Variants in ARHGEF28 observed in about 807,000 individuals in gnomAD.
The protein encoded by ARHGEF28 is Rho guanine nucleotide exchange factor 28, also known as 190 kDa guanine nucleotide exchange factor.
Under a neutral mutation model 206.6 loss-of-function variants are expected in ARHGEF28, and 152 were observed. The observed-to-expected ratio is 0.74, with a 90% CI of 0.64 to 0.84. The LOEUF is 0.84. ARHGEF28 is among the 40% of genes least tolerant of loss of function. The pLI is 0.00. For missense variants in ARHGEF28, 2,028 were observed against 2,073.2 expected (o/e 0.98, Z 0.42); for synonymous variants, 763 against 776.4 (o/e 0.98, Z 0.29).
intron 2 of ARHGEF28, among the ~76,000 whole-genome samples, chr5:73,725,643 G>T (rs1259425481): frequency 2.0e-5 from 3 of 152,158 alleles, no homozygotes; most frequent in African/African-American, 7.2e-5. Context: ...TGCATTAGTG[G>T]TTCAAGTGAG....
intron 9 of ARHGEF28, among the ~76,000 whole-genome samples, chr5:73,819,774 C>G (rs2112535504): frequency 6.6e-6 from 1 of 152,252 alleles, no homozygotes; most frequent in East Asian, 1.9e-4. Context: ...ACATCTCCCT[C>G]CCTCCCTCTT....
intron 12 of ARHGEF28, among the ~76,000 whole-genome samples, chr5:73,846,685 C>T (rs1351942908): frequency 5.3e-5 from 8 of 152,150 alleles, no homozygotes; most frequent in Non-Finnish European, 1.2e-4. Flanking sequence ...GGCTGATTTA[C>T]ATTTTCATTA....
intron 9 of ARHGEF28, among the ~76,000 whole-genome samples, chr5:73,803,048 C>CT (rs1755238484): frequency 6.6e-6 from 1 of 152,104 alleles, no homozygotes; most frequent in Non-Finnish European, 1.5e-5. Context: ...GTACAATTTA[C>CT]TTTACCTTTT....
intron 35 of ARHGEF28, among the ~76,000 whole-genome samples, chr5:73,921,131 A>G (rs1763500595): frequency 6.6e-6 from 1 of 152,232 alleles, no homozygotes; most frequent in Non-Finnish European, 1.5e-5. Context: ...ATATGCTCCT[A>G]GAATGTGAAC....
chr5:73,753,881 G>T (rs1426887655), intron 4 of ARHGEF28, among the ~76,000 whole-genome samples: 1 of 152,126 alleles, frequency 6.6e-6, no homozygotes, highest in Non-Finnish European at 1.5e-5. Flanking sequence ...TGTTGCTCAG[G>T]CTGAACTTGA....
At chr5:73,661,713 T>C (rs1405564616) in intron 1 of ARHGEF28, among the ~76,000 whole-genome samples, 7 of 152,098 alleles carry the variant, frequency 4.6e-5, no homozygotes, top group Admixed American at 2.6e-4. Context: ...GAAGAGGGAA[T>C]GGCCAGATGG....
At chr5:73,865,225 A>G (rs1025090829) in intron 17 of ARHGEF28, among the ~76,000 whole-genome samples, 16 of 151,870 alleles carry the variant, frequency 1.1e-4, no homozygotes, top group African/African-American at 3.6e-4. Context: ...GACTACACAG[A>G]TTTCTGGGCC....
rs1050731906 is a variant in ARHGEF28 at position 73,717,864 on chromosome 5, A to T, written c.34-31973A>T. ...ATTACACTGAAAATAGTATTTATCA[A>T]TATGGAATTTGTCTTTTTTTGTGTG... On this transcript the variant is annotated intron_variant, in intron 2 of 35. Coordinates refer to ENST00000513042, the MANE Select transcript of ARHGEF28 (RefSeq NM_001177693.2). 1.3e-5 allele frequency among the ~76,000 whole-genome samples: 2 copies of T among 152,112 alleles called. 1 individual carries two copies. Among genetic ancestry groups the T allele is most frequent in the Admixed American group, 1.3e-4 (2 of 15,282 alleles).
At chr5:73,694,192 T>C (rs1748034142) in intron 2 of ARHGEF28, among the ~76,000 whole-genome samples, 1 of 152,182 alleles carries the variant, frequency 6.6e-6, no homozygotes, top group Non-Finnish European at 1.5e-5. Flanking sequence ...TGGTGCCCCC[T>C]CCTACTGTCA....
At chr5:73,834,550 G>A (rs1757494771) in intron 10 of ARHGEF28, among the ~76,000 whole-genome samples, 1 of 149,676 alleles carries the variant, frequency 6.7e-6, no homozygotes, top group Admixed American at 6.6e-5. Context: ...TCCTGTGTGT[G>A]TGTGTGTGTG....
intron 7 of ARHGEF28, among the ~76,000 whole-genome samples, chr5:73,784,216 TGG>T (rs1754016796): frequency 6.6e-6 from 1 of 152,076 alleles, no homozygotes; most frequent in South Asian, 2.1e-4. Flanking sequence ...CTGTCCCCTC[TGG>T]GACAATGTGT....
chr5:73,694,637 A>C (rs928329736), intron 2 of ARHGEF28, among the ~76,000 whole-genome samples: 23 of 152,318 alleles, frequency 1.5e-4, no homozygotes, highest in African/African-American at 5.3e-4. Context: ...TGATTTAGCT[A>C]TACTACCTTC....
intron 34 of ARHGEF28, 74 bp from the exon 35 acceptor site, chr5:73,911,201 T>C (rs1261494525): frequency 2.5e-5 from 34 of 1,355,852 alleles, no homozygotes; most frequent in Non-Finnish European, 3.2e-5. Context: ...TAAGATTCTC[T>C]CAGGAATAAA....
chr5:73,870,043 G>T, intron 20 of ARHGEF28, 26 bp from the exon 21 acceptor site: 4 of 1,603,930 alleles, frequency 2.5e-6, no homozygotes, highest in Non-Finnish European at 3.4e-6. Context: ...TGTACTTCTG[G>T]CTTTTCTTTT....
chr5:73,870,151 T>A lies in ARHGEF28; in HGVS notation c.2508T>A (p.Asp836Glu). The A allele has an allele frequency of 1.2e-6, 2 of 1,613,916 alleles. No homozygotes were observed. The highest frequency in any genetic ancestry group is 8.5e-7 in the Non-Finnish European group (1 of 1,179,868). The part of the protein sequence containing the change: ...FEAESWSLVV[D>E]PSFCNRQEKD... ...CAGAATCTTGGAGTCTTGTGGTGGA[T>A]CCCTCATTTTGTAATAGGCAGGAGA... Residue 836 changes from aspartate to glutamate, a missense_variant, in exon 21 of 36, where the codon GAT becomes GAA. Coordinates refer to ENST00000513042, the MANE Select transcript of ARHGEF28 (RefSeq NM_001177693.2).
At chr5:73,635,368 T>C (rs1743640308) in intron 1 of ARHGEF28, among the ~76,000 whole-genome samples, 1 of 152,170 alleles carries the variant, frequency 6.6e-6, no homozygotes, top group African/African-American at 2.4e-5. Flanking sequence ...AAAGCCATTT[T>C]TTTTTTATCA....
intron 2 of ARHGEF28, among the ~76,000 whole-genome samples, chr5:73,749,042 C>T (rs996318669): frequency 3.3e-5 from 5 of 152,156 alleles, no homozygotes; most frequent in Admixed American, 6.5e-5. Context: ...GCCTCGGTGA[C>T]CTGAGGTGGC....
intron 9 of ARHGEF28, among the ~76,000 whole-genome samples, chr5:73,819,604 C>T (rs899629073): frequency 4.6e-5 from 7 of 152,206 alleles, no homozygotes; most frequent in African/African-American, 1.7e-4. Flanking sequence ...AAGAAACCAG[C>T]CTGTAGTAGG....
At chr5:73,874,526 G>T (rs1760317873) in intron 22 of ARHGEF28, among the ~76,000 whole-genome samples, 1 of 145,852 alleles carries the variant, frequency 6.9e-6, no homozygotes, top group African/African-American at 2.6e-5. Flanking sequence ...TCGTCATTTA[G>T]CATTAGGTAT....
Sources: allele counts gnomAD v4.1 joint callset (sites outside exome capture counted in the v4.1 genomes callset), GRCh38; gene constraint gnomAD v4.1.1; transcripts MANE v1.5; gene names NCBI Gene and HGNC (gene_info 2026-07-23, HGNC 2026-07-21).